The following PCNX4 variants were observed in gnomAD, a reference collection of about 807,000 sequenced individuals.
PCNX4 encodes the protein pecanex-like protein 4.
In PCNX4, 103 loss-of-function variants were observed where a neutral mutation model predicts 107.2. The ratio of observed to expected loss-of-function variants is 0.96; its 90% CI spans 0.82 to 1.13. The LOEUF is 1.13. Ranked by LOEUF, PCNX4 falls within the 50% of genes most tolerant of loss-of-function variation. The pLI, the probability that PCNX4 is intolerant of heterozygous loss-of-function variation, is 0.00. For synonymous variants in PCNX4, 541 were observed against 481.7 expected, an observed-to-expected ratio of 1.12 and a Z score of -1.61; for missense variants, 1,528 against 1,379.4, an observed-to-expected ratio of 1.11 and a Z score of -1.71.
rs1896416603 is a variant in PCNX4 at position 60,146,748 on chromosome 14, G to A, written c.*12527G>A. On this transcript the variant is annotated 3_prime_UTR_variant, in exon 11 of 11. Transcript: ENST00000406854. This position sits in a 1 kb window ranked among gnomAD's most constrained non-coding sequence, Gnocchi z 4.9. ...AATATTTTTCAGCCATAAAACAATGGAACTCCTGGCATTTGTGAAAACATG... is the reference window on the plus strand; with the variant it reads ...AATATTTTTCAGCCATAAAACAATGAAACTCCTGGCATTTGTGAAAACATG... 1 of 151,968 alleles carries A rather than the reference G, an allele frequency of 6.6e-6. No homozygotes were observed. The highest frequency in any genetic ancestry group is 2.4e-5 in the African/African-American group (1 of 41,336). 9.4% of individuals were successfully genotyped at this position (151,968 alleles called of 1,614,324 possible). A position where few individuals can be genotyped will look rare whatever the true frequency, so the allele number is the denominator to read the frequency against.
intron 7 of PCNX4, among the ~76,000 whole-genome samples, chr14:60,119,115 G>A (rs149723261): frequency 2.0e-5 from 3 of 152,150 alleles, no homozygotes; most frequent in Non-Finnish European, 4.4e-5. Context: ...GGAGCAGATG[G>A]AGTTTTGTTC....
At position 60,137,340 on chromosome 14, in the gene PCNX4, C is replaced by A. The variant is rs938922324; in HGVS notation, c.*3119C>A. 6.6e-6 allele frequency: 1 copy of A among 152,154 alleles called. No individual in the cohort carries two copies. The highest frequency in any genetic ancestry group is 1.5e-5 in the Non-Finnish European group (1 of 68,036). 9.4% of individuals were successfully genotyped at this position (152,154 alleles called of 1,614,324 possible). On this transcript the variant is annotated 3_prime_UTR_variant, in exon 11 of 11. Coordinates refer to ENST00000406854, the MANE Select transcript of PCNX4 (RefSeq NM_001330177.2). ...GGAAGTAGGGGAGGGGAAAGGAATC[C>A]TAGTTAACTGACCATACATTGGGTT... is the stretch of plus-strand genomic sequence containing the variant.
chr14:60,115,196 C>T lies in PCNX4; in HGVS notation c.1092C>T (p.Val364=). The T allele has an allele frequency of 6.2e-7, 1 of 1,613,592 alleles. No homozygotes were observed. Among genetic ancestry groups the T allele is most frequent in the Non-Finnish European group, 8.5e-7 (1 of 1,179,572 alleles). The change falls in exon 4 of 11, where the codon GTC becomes GTT. Residue 364 remains valine (V), a synonymous_variant. Transcript: ENST00000406854. ...GCCTTTTCTACATCATTATATTAGT[C>T]TTGGCTCTTTTAGAAACTAGCTTGC... ...KECLFYIIIL[V]LALLETSLLH... is the part of the protein sequence containing the mutation.
In PCNX4 at chr14:60,143,625, T is replaced by C. The variant is rs1896332860; in HGVS notation, c.*9404T>C. The C allele has an allele frequency of 6.6e-6, 1 of 152,244 alleles. No homozygotes were observed. Among genetic ancestry groups the C allele is most frequent in the South Asian group, 2.1e-4 (1 of 4,834 alleles). 9.4% of individuals were successfully genotyped at this position (152,244 alleles called of 1,614,324 possible). ...CTTATGACTATGCCTCTAGTACATA[T>C]CCATGTTGTTATGTATGCATTTATT... is the stretch of plus-strand genomic sequence containing the variant. On this transcript the variant is annotated 3_prime_UTR_variant, in exon 11 of 11. Transcript: ENST00000406854.
intron 2 of PCNX4, among the ~76,000 whole-genome samples, chr14:60,112,943 G>A (rs1895766677): frequency 6.6e-6 from 1 of 152,196 alleles, no homozygotes; most frequent in South Asian, 2.1e-4. Context: ...CAGCACTTTG[G>A]GAGGCCGAGG....
intron 7 of PCNX4, 40 bp from the exon 8 acceptor site, chr14:60,121,156 A>ATTTTATTTT: frequency 7.4e-7 from 1 of 1,349,698 alleles, no homozygotes; most frequent in Non-Finnish European, 9.6e-7. Flanking sequence ...TTTGAAAATG[A>ATTTTATTTT]TTTTCTTTTT....
intron 2 of PCNX4, among the ~76,000 whole-genome samples, chr14:60,113,805 T>C (rs746043429): frequency 7.2e-5 from 11 of 152,200 alleles, no homozygotes; most frequent in Non-Finnish European, 1.3e-4. Flanking sequence ...ACCTTATTGG[T>C]CTCTGGACAC....
At chr14:60,099,226 G>A (rs544409676) in intron 1 of PCNX4, among the ~76,000 whole-genome samples, 2 of 152,288 alleles carry the variant, frequency 1.3e-5, no homozygotes, top group Non-Finnish European at 2.9e-5. Context: ...GTGTAGGCCA[G>A]TTTGTTTTCT....
intron 1 of PCNX4, among the ~76,000 whole-genome samples, chr14:60,103,036 T>A (rs1218895762): frequency 6.6e-6 from 1 of 152,190 alleles, no homozygotes; most frequent in Non-Finnish European, 1.5e-5. Flanking sequence ...CTTTAATCCT[T>A]AAAAAGAAAA....
At chr14:60,113,155 T>A (rs1249744079) in intron 2 of PCNX4, among the ~76,000 whole-genome samples, 2 of 152,164 alleles carry the variant, frequency 1.3e-5, no homozygotes, top group African/African-American at 2.4e-5. Context: ...CACTCCATCC[T>A]GGGGACAGAG....
In PCNX4 at chr14:60,144,855, TA is replaced by T. The variant is rs1896357516; in HGVS notation, c.*10639del. On this transcript the variant is annotated 3_prime_UTR_variant, in exon 11 of 11. Coordinates refer to ENST00000406854, the MANE Select transcript of PCNX4 (RefSeq NM_001330177.2). ...ATGTTGGAAGCAAAGTCATATCTAT[TA>T]AAAAGTAAAATCACAAATTAGTCTT... 2 of 935,960 alleles carry T rather than the reference TA, an allele frequency of 2.1e-6. No individual in the cohort carries two copies. Among genetic ancestry groups the T allele is most frequent in the Non-Finnish European group, 3.4e-6 (2 of 586,610 alleles). 58.0% of individuals were successfully genotyped at this position (935,960 alleles called of 1,614,324 possible). A position where few individuals can be genotyped will look rare whatever the true frequency, so the allele number is the denominator to read the frequency against.
intron 10 of PCNX4, among the ~76,000 whole-genome samples, chr14:60,128,123 ATACACTT>A (rs1432296209): frequency 1.3e-5 from 2 of 152,170 alleles, no homozygotes; most frequent in East Asian, 3.8e-4. Context: ...CTGCTCCAAC[ATACACTT>A]AGTATCGGAA....
intron 10 of PCNX4, among the ~76,000 whole-genome samples, chr14:60,127,671 T>C (rs1468471361): frequency 6.6e-6 from 1 of 152,194 alleles, no homozygotes; most frequent in African/African-American, 2.4e-5. Context: ...GCACCCAGAA[T>C]TTCTACAGTG....
At chr14:60,121,585 T>A (rs1434612952) in intron 8 of PCNX4, among the ~76,000 whole-genome samples, 1 of 89,760 alleles carries the variant, frequency 1.1e-5, no homozygotes, top group Non-Finnish European at 2.0e-5. Flanking sequence ...GAATCAGTAA[T>A]TTTTTTTTAA....
At position 60,107,787 on chromosome 14, in the gene PCNX4, T is replaced by C. The variant is rs1895656590; in HGVS notation, c.149T>C (p.Met50Thr). Residue 50 changes from methionine (M) to threonine (T), a missense_variant, in exon 2 of 11, where the codon ATG becomes ACG. Met to Thr is a moderately conservative substitution (Grantham distance 81). Coordinates refer to ENST00000406854, the MANE Select transcript of PCNX4 (RefSeq NM_001330177.2). Reference protein sequence around the residue: ...IYVNQIILFLMPWVWGGVGTL... With the variant: ...IYVNQIILFLTPWVWGGVGTL... ...GTTAATCAAATTATTCTTTTTCTAA[T>C]GCCATGGGTTTGGGGTGGAGTCGGA... 1 of 1,612,686 alleles carries C rather than the reference T, an allele frequency of 6.2e-7. No homozygotes were observed. The highest frequency in any genetic ancestry group is 1.3e-5 in the African/African-American group (1 of 74,918).
chr14:60,105,639 G>A (rs1257842417), intron 1 of PCNX4, among the ~76,000 whole-genome samples: 1 of 152,130 alleles, frequency 6.6e-6, no homozygotes, highest in Non-Finnish European at 1.5e-5. Flanking sequence ...GTACTGCACT[G>A]TTTGGAATAT....
Position 60,114,602 on chromosome 14 carries a change from G to C in PCNX4, c.690-98G>C, listed in dbSNP as rs541632487. 934 of 960,150 alleles carry C rather than the reference G, an allele frequency of 9.7e-4. 4 individuals carry two copies. The highest frequency in any genetic ancestry group is 1.2e-3 in the Non-Finnish European group (764 of 659,798). 59.5% of individuals were successfully genotyped at this position (960,150 alleles called of 1,614,324 possible). ...GGTGTGTGTGTGTGGTTTTTTTTTGGAAGGGAGTGTGTTGTTATTCTGTGT... is the reference window on the plus strand; with the variant it reads ...GGTGTGTGTGTGTGGTTTTTTTTTGCAAGGGAGTGTGTTGTTATTCTGTGT... On this transcript the variant is annotated intron_variant, in intron 2 of 10. Coordinates refer to ENST00000406854, the MANE Select transcript of PCNX4 (RefSeq NM_001330177.2).
chr14:60,101,584 CAA>C (rs1280011268), intron 1 of PCNX4, among the ~76,000 whole-genome samples: 8 of 152,104 alleles, frequency 5.3e-5, no homozygotes, highest in African/African-American at 9.6e-5. Context: ...ATCAAAAAAA[CAA>C]AAGAGTGTTG....
chr14:60,108,342 A>C lies in PCNX4; in HGVS notation c.689+15A>C, dbSNP rs750901307. ...CTGGCACACAGGTAAAAACCTACCAAATACTTTGTAACTAACTTTGTTTTT... is the reference window on the plus strand; with the variant it reads ...CTGGCACACAGGTAAAAACCTACCACATACTTTGTAACTAACTTTGTTTTT... On this transcript the variant is annotated intron_variant, in intron 2 of 10. Coordinates refer to ENST00000406854, the MANE Select transcript of PCNX4 (RefSeq NM_001330177.2). 1 of 1,550,110 alleles carries C rather than the reference A, an allele frequency of 6.5e-7. No individual in the cohort carries two copies. The highest frequency in any genetic ancestry group is 8.8e-7 in the Non-Finnish European group (1 of 1,141,630).
Sources: gnomAD v4.1 joint callset for allele counts (sites outside exome capture counted in the v4.1 genomes callset) on GRCh38, gnomAD v4.1.1 for gene constraint, Gnocchi (gnomAD v3.1) non-coding constraint, MANE v1.5 for transcripts, NCBI Gene and HGNC (gene_info 2026-07-23, HGNC 2026-07-21) for gene names.